SMUG1: variants seen among roughly 807,000 people sequenced by gnomAD.
SMUG1 encodes single-strand selective monofunctional uracil DNA glycosylase.
In SMUG1, 13 loss-of-function variants were observed where a neutral mutation model predicts 23.9. The ratio of observed to expected loss-of-function variants is 0.54; its 90% confidence interval spans 0.35 to 0.86. SMUG1 has a LOEUF of 0.86. Ranked by LOEUF, SMUG1 falls within the 40% of genes least tolerant of loss-of-function variation. SMUG1 has a pLI of 0.01. For missense variants in SMUG1, 313 were observed against 339.5 expected (o/e 0.92, Z 0.61); for synonymous variants, 133 against 139.8 (o/e 0.95, Z 0.34).
At chr12:54,175,887 T>C (rs757725603), downstream of SMUG1, among the ~76,000 whole-genome samples, 5 of 152,098 alleles carry the variant, frequency 3.3e-5, no homozygotes, top group Non-Finnish European at 5.9e-5. Context: ...GACCCAATTT[T>C]CTTTAAGCTA....
chr12:54,172,422 A>C (rs560293452), intron 2 of SMUG1: 62 of 215,880 alleles, frequency 2.9e-4, no homozygotes, highest in Admixed American at 1.1e-3. Flanking sequence ...GCAGCTCCAT[A>C]TGTTGGGGCG....
At chr12:54,163,189 A>C (rs559193739), downstream of SMUG1, 4 of 152,338 alleles carry the variant, frequency 2.6e-5, no homozygotes, top group East Asian at 7.7e-4. Flanking sequence ...TGCTCAAAGC[A>C]CCTGGACTAG....
downstream of SMUG1, among the ~76,000 whole-genome samples, chr12:54,160,818 C>A (rs1030188703): frequency 6.6e-6 from 1 of 152,266 alleles, no homozygotes; most frequent in Non-Finnish European, 1.5e-5. Flanking sequence ...GCACCCCCAA[C>A]ACTTGTCTCT....
At chr12:54,170,759 GCTAA>G (rs1940595188) in intron 3 of SMUG1, among the ~76,000 whole-genome samples, 1 of 152,070 alleles carries the variant, frequency 6.6e-6, no homozygotes, top group African/African-American at 2.4e-5. Context: ...ACCACACTCA[GCTAA>G]CTTTTTATTT....
intron 3 of SMUG1, among the ~76,000 whole-genome samples, chr12:54,169,344 T>C (rs2136540307): frequency 6.6e-6 from 1 of 152,120 alleles, no homozygotes; most frequent in Non-Finnish European, 1.5e-5. Flanking sequence ...TGAGATGATG[T>C]GTCAGAGTTG....
Position 54,181,824 on chromosome 12 carries a change from C to T in SMUG1, c.*272G>A. ...GTAGAGCAGTCTGCAAGTGCAAAAGCACACCTTCTGCAGATTCCCTACAAA... is the reference window on the plus strand; with the variant it reads ...GTAGAGCAGTCTGCAAGTGCAAAAGTACACCTTCTGCAGATTCCCTACAAA... On this transcript the variant is annotated 3_prime_UTR_variant, in exon 4 of 4. Coordinates refer to ENST00000682136, the MANE Select transcript of SMUG1 (RefSeq NM_001243787.2). 2.1e-6 allele frequency: 3 copies of T among 1,424,988 alleles called. No individual in the cohort carries two copies. Among genetic ancestry groups the T allele is most frequent in the Non-Finnish European group, 2.7e-6 (3 of 1,095,058 alleles). 88.3% of individuals were successfully genotyped at this position (1,424,988 alleles called of 1,614,324 possible).
chr12:54,187,318 G>A (rs2279401), intron 2 of SMUG1: 73,360 of 152,062 alleles, frequency 0.48, 18,342 homozygotes, highest in Non-Finnish European at 0.54. Flanking sequence ...GGAGAGAAAA[G>A]AAATCAGAGG....
chr12:54,160,237 T>A (rs1336583971), downstream of SMUG1, among the ~76,000 whole-genome samples: 1 of 152,250 alleles, frequency 6.6e-6, no homozygotes, highest in African/African-American at 2.4e-5. Flanking sequence ...TCGTTATATA[T>A]GCAAATGCCC....
chr12:54,184,037 A>G, intron 2 of SMUG1, 78 bp from the exon 3 acceptor site: 1 of 1,265,796 alleles, frequency 7.9e-7, no homozygotes, highest in Non-Finnish European at 1.1e-6. Context: ...CAGGGCCCCC[A>G]CTACCATTTC....
downstream of SMUG1, chr12:54,163,343 T>G (rs1376338046): frequency 6.6e-6 from 1 of 152,264 alleles, no homozygotes; most frequent in Non-Finnish European, 1.5e-5. Context: ...ACATGTTATT[T>G]GACTTCCCTA....
chr12:54,171,325 T>A (rs1001491234), intron 3 of SMUG1, among the ~76,000 whole-genome samples: 3 of 151,374 alleles, frequency 2.0e-5, no homozygotes, highest in African/African-American at 7.3e-5. Context: ...CAGCTTTCAC[T>A]CTTTAGGGGA....
downstream of SMUG1, among the ~76,000 whole-genome samples, chr12:54,180,127 A>G (rs1460777910): frequency 6.6e-6 from 1 of 151,484 alleles, no homozygotes; most frequent in African/African-American, 2.4e-5. Flanking sequence ...CATCCAGCTC[A>G]AAGTCCCAGC....
chr12:54,171,686 C>CAAA (rs55830557), intron 3 of SMUG1, among the ~76,000 whole-genome samples: 81 of 68,450 alleles, frequency 1.2e-3, no homozygotes, highest in East Asian at 1.6e-3. Flanking sequence ...AGTCTTGTCT[C>CAAA]AAAAAAAAAA....
rs1162538927 is a variant in SMUG1 at position 54,181,487 on chromosome 12, T to G, written c.*609A>C. 2 of 1,419,792 alleles carry G rather than the reference T, an allele frequency of 1.4e-6. No homozygotes were observed. Among genetic ancestry groups the G allele is most frequent in the African/African-American group, 2.8e-5 (2 of 70,584 alleles). The allele number at this position is 1,419,792 out of a possible 1,614,324, so 87.9% of individuals were successfully genotyped here. On this transcript the variant is annotated 3_prime_UTR_variant, in exon 4 of 4. Transcript: ENST00000682136. ...TGAGGAGCCTGAGGCATAGAGAGGT[T>G]TATTAATTTGTCAATCAAAAAGTTC...
chr12:54,171,084 C>T (rs1446813002), intron 3 of SMUG1, among the ~76,000 whole-genome samples: 5 of 151,754 alleles, frequency 3.3e-5, no homozygotes, highest in African/African-American at 9.7e-5. Context: ...CTGCAACCTC[C>T]GCCTCCCAGG....
downstream of SMUG1, among the ~76,000 whole-genome samples, chr12:54,180,084 C>T (rs1001271164): frequency 1.4e-4 from 22 of 152,190 alleles, no homozygotes; most frequent in Admixed American, 1.2e-3. Flanking sequence ...CAATCTCTAG[C>T]CCCTCTCCCC....
intron 3 of SMUG1, chr12:54,183,355 A>C: frequency 5.6e-6 from 3 of 537,202 alleles, no homozygotes; most frequent in Non-Finnish European, 9.9e-6. Context: ...ACCACACTTC[A>C]GGGACAGGGG....
At position 54,180,520 on chromosome 12, in the gene SMUG1, G is replaced by C. The variant is rs1456340797; in HGVS notation, c.*1576C>G. Reference sequence around the variant, plus strand: ...TTAAGGTGGTCTCAAGACCTGCTCTGCTCCCAACTTGGTTCACTTTCCCAG... The same window carrying C: ...TTAAGGTGGTCTCAAGACCTGCTCTCCTCCCAACTTGGTTCACTTTCCCAG... On this transcript the variant is annotated 3_prime_UTR_variant, in exon 4 of 4. Transcript: ENST00000682136. 6.6e-6 allele frequency: 1 copy of C among 152,166 alleles called. No homozygotes were observed. Among genetic ancestry groups the C allele is most frequent in the Non-Finnish European group, 1.5e-5 (1 of 68,028 alleles). The allele number at this position is 152,166 out of a possible 1,614,324, so 9.4% of individuals were successfully genotyped here.
Position 54,183,668 on chromosome 12 carries a change from C to T in SMUG1, c.273G>A (p.Met91Ile). Residue 91 changes from methionine (M) to isoleucine (I), a missense_variant, in exon 3 of 4, where the codon ATG becomes ATA. By Grantham distance (10) the Met-to-Ile change is conservative. Transcript: ENST00000682136. Reference protein sequence around the residue: ...FLGMNPGPFGMAQTGVPFGEV... With the variant: ...FLGMNPGPFGIAQTGVPFGEV... ...CCAAACCCTTTACCCCAGTCTGGGC[C>T]ATGCCAAAAGGTCCAGGGTTCATGC... 6.2e-7 allele frequency: 1 copy of T among 1,614,022 alleles called. No individual in the cohort carries two copies. Among genetic ancestry groups the T allele is most frequent in the Non-Finnish European group, 8.5e-7 (1 of 1,179,960 alleles).
Sources: gnomAD v4.1 joint callset for allele counts (sites outside exome capture counted in the v4.1 genomes callset) on GRCh38, gnomAD v4.1.1 for gene constraint, MANE v1.5 for transcripts, NCBI Gene and HGNC (gene_info 2026-07-23, HGNC 2026-07-21) for gene names.